DENND11: variants seen among roughly 807,000 people sequenced by gnomAD.
DENND11 encodes DENN domain-containing protein 11.
Under a neutral mutation model 49.2 loss-of-function variants are expected in DENND11, and 34 were observed. That is an observed-to-expected ratio of 0.69 (90% CI 0.53 to 0.92). The LOEUF (loss-of-function observed/expected upper bound fraction) is 0.92. Ranked by LOEUF, DENND11 falls within the 40% of genes least tolerant of loss-of-function variation. The pLI is 0.00. For synonymous variants in DENND11, 238 were observed against 230.3 expected, an observed-to-expected ratio of 1.03 and a Z score of -0.30; for missense variants, 475 against 581.6, an observed-to-expected ratio of 0.82 and a Z score of 1.88.
Position 141,657,071 on chromosome 7 carries a change from A to G in DENND11, c.*5585T>C, listed in dbSNP as rs1490845915. 1 of 152,550 alleles carries G rather than the reference A, an allele frequency of 6.6e-6. No individual in the cohort carries two copies. Among genetic ancestry groups the G allele is most frequent in the Non-Finnish European group, 1.5e-5 (1 of 68,030 alleles). 9.4% of individuals were successfully genotyped at this position (152,550 alleles called of 1,614,324 possible). On this transcript the variant is annotated 3_prime_UTR_variant, in exon 9 of 9. Transcript: ENST00000536163. Reference sequence around the variant, plus strand: ...AGATTCAGTCTCTCGTATTGCTATAACTCTTAGGCTGGGGTATTAATCAAA... The same window carrying G: ...AGATTCAGTCTCTCGTATTGCTATAGCTCTTAGGCTGGGGTATTAATCAAA...
Position 141,702,130 on chromosome 7 carries a change from C to T in DENND11, c.24G>A (p.Ala8=). The change falls in exon 1 of 9, where the codon GCG becomes GCA. Residue 8 remains alanine, a synonymous_variant. Coordinates refer to ENST00000536163, the MANE Select transcript of DENND11 (RefSeq NM_001080392.2). MVEQGDA[A]PLLRWAEGPA... is the part of the protein sequence containing the mutation. ...GGCCCTCGGCCCAGCGCAGCAGCGGCGCCGCGTCTCCCTGCTCCACCATGG... is the reference window on the plus strand; with the variant it reads ...GGCCCTCGGCCCAGCGCAGCAGCGGTGCCGCGTCTCCCTGCTCCACCATGG... The T allele has an allele frequency of 2.0e-6, 2 of 983,194 alleles. No individual in the cohort carries two copies. Among genetic ancestry groups the T allele is most frequent in the Non-Finnish European group, 1.2e-6 (1 of 829,954 alleles). The allele number at this position is 983,194 out of a possible 1,614,324, so 60.9% of individuals were successfully genotyped here. A position where few individuals can be genotyped will look rare whatever the true frequency, so the allele number is the denominator to read the frequency against.
chr7:141,696,159 A>ACCTGG (rs1798410304), intron 1 of DENND11, among the ~76,000 whole-genome samples: 3 of 152,214 alleles, frequency 2.0e-5, no homozygotes, highest in Non-Finnish European at 4.4e-5. Context: ...TCCAAAGGTC[A>ACCTGG]GCCTGACAGC....
chr7:141,669,244 GTTTTTT>G (rs36043478), intron 4 of DENND11, among the ~76,000 whole-genome samples: 1 of 133,790 alleles, frequency 7.5e-6, no homozygotes. Flanking sequence ...CTTCTTTAAA[GTTTTTT>G]TTTTTTTTTT....
chr7:141,679,707 T>C (rs1460526204), intron 3 of DENND11, among the ~76,000 whole-genome samples: 2 of 116,652 alleles, frequency 1.7e-5, no homozygotes, highest in Non-Finnish European at 3.7e-5. Context: ...AGCGAAACTT[T>C]AAAAAAAAAA....
chr7:141,685,369 G>A, intron 3 of DENND11, 109 bp downstream of exon 3: 1 of 1,359,032 alleles, frequency 7.4e-7, no homozygotes, highest in South Asian at 1.3e-5. Context: ...GATGTTCTTG[G>A]AAAGACATCT....
In DENND11 at chr7:141,662,079, A is replaced by C. The variant is rs772023004; in HGVS notation, c.*577T>G. The C allele has an allele frequency of 6.6e-6, 1 of 152,274 alleles. No homozygotes were observed. The highest frequency in any genetic ancestry group is 2.4e-5 in the African/African-American group (1 of 41,454). 9.4% of individuals were successfully genotyped at this position (152,274 alleles called of 1,614,324 possible). On this transcript the variant is annotated 3_prime_UTR_variant, in exon 9 of 9. Transcript: ENST00000536163. ...TTCATTCTGACCATAAGATAAGCTC[A>C]TATTTGGTGTCAGAAACATCCTTTT...
intron 4 of DENND11, among the ~76,000 whole-genome samples, chr7:141,673,532 C>T (rs956944354): frequency 6.6e-6 from 1 of 152,178 alleles, no homozygotes; most frequent in Non-Finnish European, 1.5e-5. Flanking sequence ...ATGGAAATAT[C>T]CTGTGACCAA....
intron 3 of DENND11, among the ~76,000 whole-genome samples, 166 bp downstream of exon 3, chr7:141,685,312 T>C (rs1798220995): frequency 6.6e-6 from 1 of 151,980 alleles, no homozygotes; most frequent in African/African-American, 2.4e-5. Flanking sequence ...ATGCAGGACG[T>C]TGGCTGAAAC....
At chr7:141,688,319 C>A (rs1343330894) in intron 1 of DENND11, among the ~76,000 whole-genome samples, 1 of 152,194 alleles carries the variant, frequency 6.6e-6, no homozygotes. Context: ...CATCAATGAT[C>A]CCAGCCAAAC....
At chr7:141,687,914 G>A (rs535168022) in intron 1 of DENND11, among the ~76,000 whole-genome samples, 14 of 152,198 alleles carry the variant, frequency 9.2e-5, no homozygotes, top group Non-Finnish European at 1.5e-4. Context: ...GATTACAGGC[G>A]TGAGCCACCG....
At chr7:141,682,983 G>A (rs1374089939) in intron 3 of DENND11, among the ~76,000 whole-genome samples, 2 of 149,088 alleles carry the variant, frequency 1.3e-5, no homozygotes, top group African/African-American at 2.5e-5. Flanking sequence ...AATATTTTGA[G>A]TACAGAAAAA....
intron 1 of DENND11, among the ~76,000 whole-genome samples, chr7:141,695,375 C>G (rs1322977110): frequency 6.6e-6 from 1 of 151,780 alleles, no homozygotes; most frequent in African/African-American, 2.4e-5. Flanking sequence ...AAAAGGAGAG[C>G]ATAAAGGACT....
chr7:141,669,588 T>C (rs909671245), intron 4 of DENND11, among the ~76,000 whole-genome samples: 5 of 152,108 alleles, frequency 3.3e-5, no homozygotes. Context: ...TAAAAATTCA[T>C]TGAATTATAT....
chr7:141,680,536 C>T (rs927186416), intron 3 of DENND11, among the ~76,000 whole-genome samples: 2 of 151,878 alleles, frequency 1.3e-5, no homozygotes, highest in African/African-American at 4.8e-5. Context: ...ACACGGACGC[C>T]CAGCTAAAGG....
intron 8 of DENND11, 66 bp downstream of exon 8, chr7:141,664,106 G>C: frequency 7.9e-7 from 1 of 1,262,582 alleles, no homozygotes; most frequent in Non-Finnish European, 1.1e-6. Flanking sequence ...ACATGGGAGG[G>C]ATGCAGGTCA....
chr7:141,685,526 G>C lies in DENND11; in HGVS notation c.479C>G (p.Ser160Cys). The C allele has an allele frequency of 6.2e-7, 1 of 1,614,000 alleles. No homozygotes were observed. Among genetic ancestry groups the C allele is most frequent in the Non-Finnish European group, 8.5e-7 (1 of 1,179,896 alleles). Reference sequence around the variant, plus strand: ...CATGTAGCGGTAAAGCAGTGTGTAGGAGGGAGAGAGGATGCCCACAGACTT... The same window carrying C: ...CATGTAGCGGTAAAGCAGTGTGTAGCAGGGAGAGAGGATGCCCACAGACTT... The part of the protein sequence containing the change: ...RMKSVGILSP[S>C]YTLLYRYMHF... The change falls in exon 3 of 9, where the codon TCC becomes TGC. Residue 160 changes from serine to cysteine, a missense_variant. Transcript: ENST00000536163.
chr7:141,664,325 G>T (rs1797852118), intron 7 of DENND11, 85 bp from the exon 8 acceptor site: 1 of 992,864 alleles, frequency 1.0e-6, no homozygotes. Flanking sequence ...TCTTCAATGG[G>T]CCACCACCTC....
chr7:141,677,501 G>C (rs984898010), intron 3 of DENND11, among the ~76,000 whole-genome samples: 2 of 130,370 alleles, frequency 1.5e-5, no homozygotes, highest in Non-Finnish European at 3.2e-5. Flanking sequence ...GTGTGTGTGT[G>C]TGTATATATA....
At chr7:141,670,406 C>T (rs1445549270) in intron 4 of DENND11, among the ~76,000 whole-genome samples, 1 of 151,956 alleles carries the variant, frequency 6.6e-6, no homozygotes, top group Non-Finnish European at 1.5e-5. Flanking sequence ...GCATGCAGAT[C>T]AAAAATATTT....
Sources: allele counts gnomAD v4.1 joint callset (sites outside exome capture counted in the v4.1 genomes callset), GRCh38; gene constraint gnomAD v4.1.1; transcripts MANE v1.5; gene names NCBI Gene and HGNC (gene_info 2026-07-23, HGNC 2026-07-21).